ATP1B3: variants seen among roughly 807,000 people sequenced by gnomAD.
ATP1B3 encodes ATPase Na+/K+ transporting subunit beta 3.
Under a neutral mutation model 30.2 loss-of-function variants are expected in ATP1B3, and 10 were observed. The observed-to-expected ratio is 0.33, with a 90% confidence interval of 0.20 to 0.56. ATP1B3 has a LOEUF of 0.56. ATP1B3 is among the 20% of genes least tolerant of loss of function. ATP1B3 has a pLI of 0.90. For missense variants in ATP1B3, 238 were observed against 336.7 expected (o/e 0.71, Z 2.29); for synonymous variants, 113 against 117.0 (o/e 0.97, Z 0.22).
chr3:141,884,307 ACTTTT>A (rs1389624794), intron 1 of ATP1B3, among the ~76,000 whole-genome samples: 1 of 152,116 alleles, frequency 6.6e-6, no homozygotes, highest in Admixed American at 6.6e-5. Context: ...GGCATGGGGT[ACTTTT>A]CTTTTGGTTT....
intron 1 of ATP1B3, 35 bp from the exon 2 acceptor site, chr3:141,903,585 C>T (rs779786080): frequency 3.3e-5 from 53 of 1,610,126 alleles, no homozygotes; most frequent in Non-Finnish European, 4.2e-5. Flanking sequence ...CACACACGCA[C>T]GTGCACATTT....
chr3:141,911,263 C>T (rs1205512861), intron 3 of ATP1B3, among the ~76,000 whole-genome samples: 1 of 152,160 alleles, frequency 6.6e-6, no homozygotes, highest in East Asian at 1.9e-4. Flanking sequence ...ATTAGACTTT[C>T]TGGGGGTTTA....
Position 141,925,774 on chromosome 3 carries a change from T to C in ATP1B3, c.*73T>C, listed in dbSNP as rs1005932055. The C allele has an allele frequency of 6.4e-5, 98 of 1,531,450 alleles. No individual in the cohort carries two copies. The highest frequency in any genetic ancestry group is 8.5e-5 in the Non-Finnish European group (96 of 1,133,358). 94.9% of individuals were successfully genotyped at this position (1,531,450 alleles called of 1,614,324 possible). A position where few individuals can be genotyped will look rare whatever the true frequency, so the allele number is the denominator to read the frequency against. On this transcript the variant is annotated 3_prime_UTR_variant, in exon 7 of 7. Coordinates refer to ENST00000286371, the MANE Select transcript of ATP1B3 (RefSeq NM_001679.4). ...ATTTTGTAACAGCTGGACCTTCCAT[T>C]CTAGAATTATGAGACCACCTTGGAG...
At chr3:141,879,282 C>G (rs544784048) in intron 1 of ATP1B3, among the ~76,000 whole-genome samples, 1 of 152,084 alleles carries the variant, frequency 6.6e-6, no homozygotes, top group Admixed American at 6.5e-5. Context: ...CATTTTTGCA[C>G]ATTTATTTCC....
chr3:141,905,397 A>C (rs1934246978), intron 2 of ATP1B3, among the ~76,000 whole-genome samples: 1 of 152,214 alleles, frequency 6.6e-6, no homozygotes, highest in Non-Finnish European at 1.5e-5. Context: ...TACAGTGCAT[A>C]GGGCAACCCC....
intron 1 of ATP1B3, among the ~76,000 whole-genome samples, chr3:141,890,306 T>C (rs1933925631): frequency 9.6e-6 from 1 of 104,088 alleles, no homozygotes; most frequent in Admixed American, 1.0e-4. Flanking sequence ...TTTTTTTTTT[T>C]TTTTTTTTTT....
At chr3:141,883,864 G>A (rs1286402675) in intron 1 of ATP1B3, among the ~76,000 whole-genome samples, 2 of 152,160 alleles carry the variant, frequency 1.3e-5, no homozygotes, top group Admixed American at 1.3e-4. Flanking sequence ...TTTCATGGAA[G>A]TTCAGTGTTC....
At chr3:141,911,550 A>G (rs1206884012) in intron 3 of ATP1B3, among the ~76,000 whole-genome samples, 2 of 150,184 alleles carry the variant, frequency 1.3e-5, no homozygotes, top group East Asian at 3.9e-4. Flanking sequence ...GCTGGAGTAC[A>G]ATGGCTTGTT....
intron 5 of ATP1B3, among the ~76,000 whole-genome samples, chr3:141,918,057 C>T (rs542609414): frequency 5.5e-4 from 83 of 152,066 alleles, no homozygotes; most frequent in African/African-American, 1.8e-3. Context: ...CGTGAGCCAC[C>T]GCGCCCAGCT....
At chr3:141,903,924 A>T (rs540182972) in intron 2 of ATP1B3, among the ~76,000 whole-genome samples, 176 bp downstream of exon 2, 1 of 152,276 alleles carries the variant, frequency 6.6e-6, no homozygotes, top group South Asian at 2.1e-4. Context: ...AGCTGGGATT[A>T]CAGGCATGCG....
At chr3:141,902,211 C>G in intron 1 of ATP1B3, 4 of 1,288,952 alleles carry the variant, frequency 3.1e-6, no homozygotes, top group Non-Finnish European at 4.0e-6. Flanking sequence ...CCTCTCCATC[C>G]TTATTTTGGC....
intron 5 of ATP1B3, among the ~76,000 whole-genome samples, chr3:141,920,806 C>T (rs1055801189): frequency 6.6e-6 from 1 of 152,016 alleles, no homozygotes; most frequent in African/African-American, 2.4e-5. Flanking sequence ...ATGGCTTTTG[C>T]GATTTCTCCT....
At chr3:141,880,453 A>G (rs1039987340) in intron 1 of ATP1B3, among the ~76,000 whole-genome samples, 1 of 152,240 alleles carries the variant, frequency 6.6e-6, no homozygotes, top group African/African-American at 2.4e-5. Flanking sequence ...ATGAATACAC[A>G]GGACAAAGAA....
Position 141,916,034 on chromosome 3 carries a change from A to G in ATP1B3, c.582+14A>G, listed in dbSNP as rs756591629. 4 of 1,592,522 alleles carry G rather than the reference A, an allele frequency of 2.5e-6. No individual in the cohort carries two copies. In the South Asian group the frequency reaches 4.6e-5, roughly 18 times the overall value. ...TGTGTTTCAAAGGTTAGTATTCAAA[A>G]AGTAACTCCTGTTAAATCTTTGATG... On this transcript the variant is annotated intron_variant, in intron 5 of 6. Coordinates refer to ENST00000286371, the MANE Select transcript of ATP1B3 (RefSeq NM_001679.4).
In ATP1B3 at chr3:141,926,184, A is replaced by C. The variant is rs1934656682; in HGVS notation, c.*483A>C. On this transcript the variant is annotated 3_prime_UTR_variant, in exon 7 of 7. Transcript: ENST00000286371. ...TGAGGAAGGAAAAAAAGAAAATAAA[A>C]GTGTGTTTGAAAAATATTATCTTGG... 1 of 152,870 alleles carries C rather than the reference A, an allele frequency of 6.5e-6. No homozygotes were observed. Among genetic ancestry groups the C allele is most frequent in the East Asian group, 1.9e-4 (1 of 5,330 alleles). 9.5% of individuals were successfully genotyped at this position (152,870 alleles called of 1,614,324 possible). A position where few individuals can be genotyped will look rare whatever the true frequency, so the allele number is the denominator to read the frequency against.
chr3:141,900,255 A>G (rs573931383), intron 1 of ATP1B3, among the ~76,000 whole-genome samples: 2 of 152,224 alleles, frequency 1.3e-5, no homozygotes, highest in Admixed American at 1.3e-4. Flanking sequence ...GGAGGGCAGG[A>G]AAGAGGGCTG....
Position 141,876,747 on chromosome 3 carries a change from C to T in ATP1B3, c.-55C>T. The T allele has an allele frequency of 2.1e-6, 3 of 1,434,368 alleles. No homozygotes were observed. Among genetic ancestry groups the T allele is most frequent in the Non-Finnish European group, 2.9e-6 (3 of 1,039,000 alleles). 88.9% of individuals were successfully genotyped at this position (1,434,368 alleles called of 1,614,324 possible). ...CGGAGCCGGGACGCGCCTCCGCAGC[C>T]CTCGCCGCCTCCATCCCCGCGGCCG... On this transcript the variant is annotated 5_prime_UTR_variant, in exon 1 of 7. Coordinates refer to ENST00000286371, the MANE Select transcript of ATP1B3 (RefSeq NM_001679.4).
At chr3:141,887,083 C>T (rs1208570034) in intron 1 of ATP1B3, among the ~76,000 whole-genome samples, 1 of 152,184 alleles carries the variant, frequency 6.6e-6, no homozygotes, top group Non-Finnish European at 1.5e-5. Context: ...TATATAAATG[C>T]TTTAGAATGG....
At chr3:141,917,854 G>A (rs949677286) in intron 5 of ATP1B3, among the ~76,000 whole-genome samples, 2 of 150,302 alleles carry the variant, frequency 1.3e-5, no homozygotes, top group East Asian at 2.0e-4. Context: ...TGCAAGCTCC[G>A]CCTCCTGGGT....
Sources: allele counts gnomAD v4.1 joint callset (sites outside exome capture counted in the v4.1 genomes callset), GRCh38; gene constraint gnomAD v4.1.1; transcripts MANE v1.5; gene names NCBI Gene and HGNC (gene_info 2026-07-23, HGNC 2026-07-21).